The following HS3ST4 variants were observed in gnomAD, a reference collection of about 807,000 sequenced individuals.
HS3ST4 encodes heparan sulfate glucosamine 3-O-sulfotransferase 4.
HS3ST4 carries 17 observed loss-of-function variants against 29.2 expected under a neutral mutation model. That is an observed-to-expected ratio of 0.58 (90% CI 0.40 to 0.87). HS3ST4 has a LOEUF of 0.87. Ranked by LOEUF, HS3ST4 falls within the 40% of genes least tolerant of loss-of-function variation. The pLI is 0.00. For synonymous variants in HS3ST4, 314 were observed against 285.7 expected (o/e 1.10, Z -1.00); for missense variants, 627 against 634.5 (o/e 0.99, Z 0.13).
chr16:25,917,716 A>T (rs1258782435), intron 1 of HS3ST4, among the ~76,000 whole-genome samples: 3 of 152,204 alleles, frequency 2.0e-5, no homozygotes, highest in Admixed American at 2.0e-4. Flanking sequence ...ACCATTGCAC[A>T]CCTTAGCTTT....
chr16:25,840,201 C>T (rs1440193345), intron 1 of HS3ST4, among the ~76,000 whole-genome samples: 1 of 152,130 alleles, frequency 6.6e-6, no homozygotes, highest in African/African-American at 2.4e-5. Flanking sequence ...AGGTTCCTGT[C>T]GACAATTTTC....
intron 1 of HS3ST4, among the ~76,000 whole-genome samples, chr16:25,860,565 T>C (rs1596593981): frequency 6.6e-6 from 1 of 152,054 alleles, no homozygotes; most frequent in African/African-American, 2.4e-5. Context: ...CATTGAGCCA[T>C]GAAAAGATAT....
At chr16:25,832,794 AATTTTGCTGACTGT>A (rs1967317731) in intron 1 of HS3ST4, among the ~76,000 whole-genome samples, 1 of 152,200 alleles carries the variant, frequency 6.6e-6, no homozygotes, top group African/African-American at 2.4e-5. Context: ...CATATTTTAA[AATTTTGCTGACTGT>A]ATTTTGATGA....
intron 1 of HS3ST4, among the ~76,000 whole-genome samples, chr16:25,962,076 A>G (rs1340217153): frequency 1.3e-5 from 2 of 152,210 alleles, no homozygotes. Flanking sequence ...TATAAAAAGA[A>G]GGAAATTGCA....
intron 1 of HS3ST4, among the ~76,000 whole-genome samples, chr16:25,915,219 A>G (rs1046049313): frequency 2.0e-5 from 3 of 152,156 alleles, no homozygotes; most frequent in Non-Finnish European, 2.9e-5. Flanking sequence ...AGATCCTTCA[A>G]ATATTCAGCA....
intron 1 of HS3ST4, among the ~76,000 whole-genome samples, chr16:25,977,869 A>G (rs2141720665): frequency 6.6e-6 from 1 of 152,342 alleles, no homozygotes; most frequent in South Asian, 2.1e-4. Flanking sequence ...ACTGTCAGGT[A>G]CAGATTGCCG....
intron 1 of HS3ST4, among the ~76,000 whole-genome samples, chr16:25,951,623 G>A (rs1010119182): frequency 4.6e-5 from 7 of 152,150 alleles, no homozygotes; most frequent in African/African-American, 1.7e-4. Context: ...GCAGACATCA[G>A]TACTTCAGCT....
intron 1 of HS3ST4, among the ~76,000 whole-genome samples, chr16:25,761,384 GACTTTT>G (rs1281055328): frequency 2.0e-5 from 3 of 152,158 alleles, no homozygotes; most frequent in Admixed American, 6.5e-5. Flanking sequence ...ACTGAGAGTT[GACTTTT>G]ACTTTTACTG....
chr16:25,915,804 T>TC (rs1596612845), intron 1 of HS3ST4, among the ~76,000 whole-genome samples: 1 of 152,228 alleles, frequency 6.6e-6, no homozygotes, highest in Non-Finnish European at 1.5e-5. Flanking sequence ...GGTTCAATAG[T>TC]CTGGGCTTCA....
intron 1 of HS3ST4, among the ~76,000 whole-genome samples, chr16:25,840,496 A>G (rs1019868342): frequency 1.3e-5 from 2 of 152,246 alleles, no homozygotes; most frequent in African/African-American, 4.8e-5. Context: ...GTTGTTGGTC[A>G]TCACGTAGCT....
chr16:25,828,118 G>A (rs1967238375), intron 1 of HS3ST4, among the ~76,000 whole-genome samples: 1 of 151,056 alleles, frequency 6.6e-6, no homozygotes, highest in African/African-American at 2.4e-5. Flanking sequence ...TACCTCATAA[G>A]CAGCCCTTCC....
chr16:25,822,364 C>T (rs1445868757), intron 1 of HS3ST4, among the ~76,000 whole-genome samples: 1 of 152,120 alleles, frequency 6.6e-6, no homozygotes, highest in Non-Finnish European at 1.5e-5. Context: ...TCCTCTCCTC[C>T]AAAACGCCTC....
At chr16:26,048,663 A>G (rs1898298152) in intron 1 of HS3ST4, among the ~76,000 whole-genome samples, 1 of 152,172 alleles carries the variant, frequency 6.6e-6, no homozygotes, top group Non-Finnish European at 1.5e-5. Context: ...CCCCATCTCT[A>G]TTAAAAATAA....
At chr16:26,126,205 T>C (rs1899341692) in intron 1 of HS3ST4, among the ~76,000 whole-genome samples, 1 of 152,206 alleles carries the variant, frequency 6.6e-6, no homozygotes, top group African/African-American at 2.4e-5. Flanking sequence ...GAGTCAATGT[T>C]GGCCAGAAGG....
intron 1 of HS3ST4, among the ~76,000 whole-genome samples, chr16:26,097,240 G>A (rs973075980): frequency 8.7e-6 from 1 of 114,848 alleles, no homozygotes; most frequent in Non-Finnish European, 1.8e-5. Context: ...CTACTTTAAA[G>A]TTCATATGGA....
intron 1 of HS3ST4, among the ~76,000 whole-genome samples, chr16:25,893,039 A>T (rs1238183217): frequency 6.6e-6 from 1 of 152,188 alleles, no homozygotes; most frequent in African/African-American, 2.4e-5. Flanking sequence ...AATCTGTTTG[A>T]GCTGTTAATG....
At chr16:26,094,577 C>G (rs1456357096) in intron 1 of HS3ST4, among the ~76,000 whole-genome samples, 1 of 152,182 alleles carries the variant, frequency 6.6e-6, no homozygotes, top group East Asian at 1.9e-4. Flanking sequence ...GAGATTTTGT[C>G]ACCACCAGGC....
chr16:26,068,595 A>G (rs1447478244), intron 1 of HS3ST4, among the ~76,000 whole-genome samples: 3 of 152,132 alleles, frequency 2.0e-5, no homozygotes, highest in Non-Finnish European at 4.4e-5. Flanking sequence ...CAGTAGGTGA[A>G]TGAACATTTC....
At chr16:26,003,912 A>G (rs1969233934) in intron 1 of HS3ST4, among the ~76,000 whole-genome samples, 1 of 151,974 alleles carries the variant, frequency 6.6e-6, no homozygotes, top group East Asian at 1.9e-4. Flanking sequence ...TGGGTCTTCC[A>G]TGTTTCTTTG....
Sources: gnomAD v4.1 joint callset for allele counts (sites outside exome capture counted in the v4.1 genomes callset) on GRCh38, gnomAD v4.1.1 for gene constraint, MANE v1.5 for transcripts, NCBI Gene and HGNC (gene_info 2026-07-23, HGNC 2026-07-21) for gene names.